Variants in MCUR1 observed in about 807,000 individuals in gnomAD.
MCUR1 encodes the protein MCU regulator 1.
MCUR1 carries 37 observed loss-of-function variants against 42.0 expected under a neutral mutation model. The ratio of observed to expected loss-of-function variants is 0.88; its 90% CI spans 0.68 to 1.16. The LOEUF (loss-of-function observed/expected upper bound fraction) is 1.16, where lower values mean the gene tolerates loss of function less well. Among genes scored for constraint, MCUR1 ranks in the 50% most tolerant of loss-of-function variants. The pLI is 0.00. For missense variants in MCUR1, 469 were observed against 468.4 expected (o/e 1.00, Z -0.01); for synonymous variants, 229 against 196.2 (o/e 1.17, Z -1.40).
Position 13,791,942 on chromosome 6 carries a change from A to C in MCUR1, c.960T>G (p.Thr320=). The change falls in exon 8 of 9, where the codon ACT becomes ACG. Residue 320 remains threonine, a synonymous_variant. Coordinates refer to ENST00000379170, the MANE Select transcript of MCUR1 (RefSeq NM_001031713.4). ...GCATGGTTTTGAGGCCAGCAACCTC[A>C]GTTTCGATCTTCCTGTCTGTCTGGG... is the stretch of plus-strand genomic sequence containing the variant. ...ALTQTDRKIE[T]EVAGLKTMLE... The C allele has an allele frequency of 2.5e-6, 4 of 1,614,116 alleles. No individual in the cohort carries two copies. The highest frequency in any genetic ancestry group is 3.4e-6 in the Non-Finnish European group (4 of 1,180,012).
chr6:13,806,606 T>C (rs1760116746), intron 2 of MCUR1, among the ~76,000 whole-genome samples: 1 of 152,178 alleles, frequency 6.6e-6, no homozygotes, highest in Non-Finnish European at 1.5e-5. Context: ...AATTAAAAGA[T>C]TGCCCATAGG....
At chr6:13,793,763 T>C (rs1759787915) in intron 7 of MCUR1, 131 bp downstream of exon 7, 17 of 731,824 alleles carry the variant, frequency 2.3e-5, no homozygotes, top group Non-Finnish European at 4.0e-5. Context: ...GTGTGTATTT[T>C]AGCACAATGT....
At chr6:13,797,269 T>TA (rs1338883226) in intron 6 of MCUR1, among the ~76,000 whole-genome samples, 5 of 152,230 alleles carry the variant, frequency 3.3e-5, no homozygotes, top group Admixed American at 2.6e-4. Context: ...TAGTGCAAGA[T>TA]GCTCTCTCTG....
Position 13,788,601 on chromosome 6 carries a change from GT to G in MCUR1, c.*2207del, listed in dbSNP as rs1177966617. On this transcript the variant is annotated 3_prime_UTR_variant, in exon 9 of 9. Coordinates refer to ENST00000379170, the MANE Select transcript of MCUR1 (RefSeq NM_001031713.4). The stretch of plus-strand genomic sequence containing the variant: ...TTTAACCCACACAAGGTTAGGTAAT[GT>G]TTACCTTGAAACATAATCGCATATG... 6.6e-6 allele frequency: 1 copy of G among 152,172 alleles called. No individual in the cohort carries two copies. The highest frequency in any genetic ancestry group is 2.4e-5 in the African/African-American group (1 of 41,442). 9.4% of individuals were successfully genotyped at this position (152,172 alleles called of 1,614,324 possible). A position where few individuals can be genotyped will look rare whatever the true frequency, so the allele number is the denominator to read the frequency against.
rs951523224 is a variant in MCUR1, at chr6:13,790,132, A to G, written c.*677T>C. On this transcript the variant is annotated 3_prime_UTR_variant, in exon 9 of 9. Coordinates refer to ENST00000379170, the MANE Select transcript of MCUR1 (RefSeq NM_001031713.4). ...CTTCAGTGATTTTCCAGCACTTATT[A>G]AAGCCATTGTGCCCTGAACATGGAG... is the stretch of plus-strand genomic sequence containing the variant. 1.3e-5 allele frequency: 2 copies of G among 152,252 alleles called. No homozygotes were observed. The highest frequency in any genetic ancestry group is 2.4e-5 in the African/African-American group (1 of 41,466). 9.4% of individuals were successfully genotyped at this position (152,252 alleles called of 1,614,324 possible).
intron 1 of MCUR1, among the ~76,000 whole-genome samples, chr6:13,811,417 G>T (rs1035688941): frequency 2.0e-5 from 3 of 152,154 alleles, no homozygotes; most frequent in East Asian, 3.9e-4. Context: ...GAAAATTTGA[G>T]ATGAATTCCT....
At chr6:13,805,523 T>A (rs998701533) in intron 2 of MCUR1, among the ~76,000 whole-genome samples, 1 of 152,190 alleles carries the variant, frequency 6.6e-6, no homozygotes, top group Admixed American at 6.5e-5. Context: ...GGCAAATAAA[T>A]GGAAACTGAG....
At chr6:13,802,521 C>T (rs1023877621) in intron 2 of MCUR1, among the ~76,000 whole-genome samples, 175 bp from the exon 3 acceptor site, 2 of 152,088 alleles carry the variant, frequency 1.3e-5, no homozygotes, top group African/African-American at 2.4e-5. Context: ...AGAGCAAGCA[C>T]GAAACATACA....
intron 1 of MCUR1, among the ~76,000 whole-genome samples, chr6:13,811,716 G>A (rs984391578): frequency 1.3e-5 from 2 of 152,174 alleles, no homozygotes; most frequent in African/African-American, 4.8e-5. Flanking sequence ...TGTGAAGAGT[G>A]ACAGGGTTAC....
At chr6:13,800,283 CTTA>C in intron 5 of MCUR1, 55 bp downstream of exon 5, 2 of 1,131,632 alleles carry the variant, frequency 1.8e-6, no homozygotes, top group African/African-American at 3.2e-5. Flanking sequence ...TAATATTATA[CTTA>C]TTAATAAGTT....
intron 1 of MCUR1, among the ~76,000 whole-genome samples, chr6:13,812,090 T>C (rs181050126): frequency 1.2e-4 from 18 of 152,278 alleles, no homozygotes; most frequent in African/African-American, 4.3e-4. Context: ...GCGAGCCAAC[T>C]GAGCTGTGTC....
intron 6 of MCUR1, among the ~76,000 whole-genome samples, chr6:13,798,272 T>C (rs1004534787): frequency 1.3e-5 from 2 of 151,766 alleles, no homozygotes; most frequent in Non-Finnish European, 2.9e-5. Flanking sequence ...ATTTTTTGTA[T>C]TTTTAGTACA....
intron 2 of MCUR1, 115 bp from the exon 3 acceptor site, chr6:13,802,461 A>T (rs2113468592): frequency 1.3e-6 from 1 of 751,930 alleles, no homozygotes; most frequent in Middle Eastern, 2.4e-4. Context: ...ACAGTGTGGT[A>T]GGAGGCAGGG....
At chr6:13,802,153 G>A (rs1180933742) in intron 3 of MCUR1, 90 bp downstream of exon 3, 8 of 967,574 alleles carry the variant, frequency 8.3e-6, no homozygotes, top group Non-Finnish European at 1.3e-5. Context: ...TTTCAACGGG[G>A]TATTATCCAA....
rs555352944 is a variant in MCUR1, at chr6:13,811,728, C to G, written c.415+2287G>C. ...ACTTGTGAAGAGTGACAGGGTTACT[C>G]TAGACCTAAATTCCTTGTTTCTAGT... On this transcript the variant is annotated intron_variant, in intron 1 of 8. Transcript: ENST00000379170. 9.5e-4 allele frequency among the ~76,000 whole-genome samples: 144 copies of G among 152,258 alleles called. 1 individual carries two copies. Among genetic ancestry groups the G allele is most frequent in the African/African-American group, 3.2e-3 (133 of 41,526 alleles).
At chr6:13,798,774 C>A in intron 6 of MCUR1, 59 bp downstream of exon 6, 1 of 1,349,256 alleles carries the variant, frequency 7.4e-7, no homozygotes, top group East Asian at 2.3e-5. Flanking sequence ...TAGGCTTAAC[C>A]AAGCATTCCA....
At position 13,790,617 on chromosome 6, in the gene MCUR1, A is replaced by C. The variant is rs548286473; in HGVS notation, c.*192T>G. The C allele has an allele frequency of 2.7e-6, 1 of 376,010 alleles. No homozygotes were observed. The highest frequency in any genetic ancestry group is 2.2e-5 in the African/African-American group (1 of 45,870). The allele number at this position is 376,010 out of a possible 1,614,324, so 23.3% of individuals were successfully genotyped here. A position where few individuals can be genotyped will look rare whatever the true frequency, so the allele number is the denominator to read the frequency against. On this transcript the variant is annotated 3_prime_UTR_variant, in exon 9 of 9. Transcript: ENST00000379170. The stretch of plus-strand genomic sequence containing the variant: ...CAGGCGCCCGCCACCACGCCCGCCT[A>C]ATGTTTTAATTTTTTAGTAGAGACG...
intron 2 of MCUR1, among the ~76,000 whole-genome samples, chr6:13,806,251 C>CA (rs1037058364): frequency 5.5e-5 from 8 of 146,572 alleles, no homozygotes; most frequent in East Asian, 2.0e-4. Flanking sequence ...GACTCCATCT[C>CA]AAAAAAAAAG....
intron 3 of MCUR1, among the ~76,000 whole-genome samples, chr6:13,801,861 C>T (rs1248594150): frequency 6.6e-6 from 1 of 151,820 alleles, no homozygotes; most frequent in Non-Finnish European, 1.5e-5. Context: ...TCAAAAAGAC[C>T]CCCCCAAAAC....
Sources: allele counts gnomAD v4.1 joint callset (sites outside exome capture counted in the v4.1 genomes callset), GRCh38; gene constraint gnomAD v4.1.1; transcripts MANE v1.5; gene names NCBI Gene and HGNC (gene_info 2026-07-23, HGNC 2026-07-21).